The following STARD13 variants were observed in gnomAD, a reference collection of about 807,000 sequenced individuals.
The protein encoded by STARD13 is stAR-related lipid transfer protein 13.
STARD13 carries 62 observed loss-of-function variants against 106.4 expected under a neutral mutation model. That is an observed-to-expected ratio of 0.58 (90% CI 0.48 to 0.72). The LOEUF (loss-of-function observed/expected upper bound fraction) is 0.72, where lower values mean the gene tolerates loss of function less well. Among genes scored for constraint, STARD13 ranks in the 30% least tolerant of loss-of-function variants. STARD13 has a pLI of 0.00. For missense variants in STARD13, 1,387 were observed against 1,424.0 expected (o/e 0.97, Z 0.42); for synonymous variants, 565 against 553.0 (o/e 1.02, Z -0.31).
At chr13:33,123,427 G>C (rs1876671950) in intron 7 of STARD13, among the ~76,000 whole-genome samples, 1 of 152,182 alleles carries the variant, frequency 6.6e-6, no homozygotes, top group Admixed American at 6.5e-5. Flanking sequence ...TGGTTTTCTT[G>C]AGAAAGAAAG....
chr13:33,289,587 C>T (rs918896035), upstream of STARD13, among the ~76,000 whole-genome samples: 4 of 152,064 alleles, frequency 2.6e-5, no homozygotes, highest in African/African-American at 4.8e-5. Context: ...AGGAAAAACA[C>T]GGCACCGAAA....
chr13:33,343,058 A>G (rs969651719), intron 1 of STARD13, among the ~76,000 whole-genome samples: 3 of 152,132 alleles, frequency 2.0e-5, no homozygotes, highest in Middle Eastern at 3.2e-3. Context: ...TACAAAGCCG[A>G]TACTTATGCA....
At position 33,126,188 on chromosome 13, in the gene STARD13, C is replaced by T; in HGVS notation, c.1975G>A (p.Ala659Thr). Residue 659 changes from alanine (A) to threonine (T), a missense_variant, in exon 7 of 14, where the codon GCT becomes ACT. Coordinates refer to ENST00000336934, the MANE Select transcript of STARD13 (RefSeq NM_178006.4). ...RMKVPDYKDK[A>T]VFGVPLIVHV... ...ACTATGAGAGGAACGCCAAAGACAG[C>T]CTTGTCTTTGTAGTCGGGAACTTTC... The T allele has an allele frequency of 6.2e-7, 1 of 1,614,072 alleles. No individual in the cohort carries two copies. Among genetic ancestry groups the T allele is most frequent in the East Asian group, 2.2e-5 (1 of 44,886 alleles).
chr13:33,414,163 A>T, the STARD13 span, among the ~76,000 whole-genome samples: 4 of 152,222 alleles, frequency 2.6e-5, no homozygotes, highest in African/African-American at 9.6e-5. Flanking sequence ...TAAAGTTTAA[A>T]AATAGAGAAG....
intron 1 of STARD13, among the ~76,000 whole-genome samples, chr13:33,215,341 T>G (rs1162410210): frequency 2.6e-5 from 4 of 152,186 alleles, no homozygotes; most frequent in African/African-American, 9.6e-5. Flanking sequence ...AGTGCTTTAC[T>G]TCTACAAAAC....
intron 1 of STARD13, among the ~76,000 whole-genome samples, chr13:33,177,818 AAGGAAGGAAGGAAGGAAGGAAGGAAAGG>A (rs1884736326): frequency 3.5e-5 from 1 of 28,686 alleles, no homozygotes; most frequent in African/African-American, 1.9e-4. Context: ...GGAAGGAAGG[AAGGAAGGAAGGAAGGAAGGAAGGAAAGG>A]AAGGAAGGAA....
At chr13:33,614,006 T>A in the STARD13 span, among the ~76,000 whole-genome samples, 6 of 152,210 alleles carry the variant, frequency 3.9e-5, no homozygotes, top group South Asian at 4.1e-4. Context: ...TAAGTGCACA[T>A]GAACATAGTC....
intron 3 of STARD13, among the ~76,000 whole-genome samples, chr13:33,162,479 G>A (rs542678394): frequency 1.2e-4 from 18 of 152,116 alleles, no homozygotes; most frequent in African/African-American, 3.1e-4. Context: ...CTACTGCATC[G>A]TCAGGCTGCA....
rs912549496 is a variant in STARD13 at position 33,143,131 on chromosome 13, A to T, written c.324-758T>A. 3.3e-5 allele frequency among the ~76,000 whole-genome samples: 5 copies of T among 152,236 alleles called. No homozygotes were observed. The East Asian group carries it at 9.6e-4, about 29-fold the overall frequency. The stretch of plus-strand genomic sequence containing the variant: ...CTTGATCTTGAACTTTCCAGCCTCC[A>T]GAACCGTGAGAAAATAAATTTCTGT... On this transcript the variant is annotated intron_variant, in intron 3 of 13. Coordinates refer to ENST00000336934, the MANE Select transcript of STARD13 (RefSeq NM_178006.4).
chr13:33,530,114 C>T, the STARD13 span, among the ~76,000 whole-genome samples: 5 of 148,052 alleles, frequency 3.4e-5, no homozygotes, highest in South Asian at 6.4e-4. Flanking sequence ...CTTGCCTCTA[C>T]TCATGTTTTT....
chr13:33,529,701 G>A, the STARD13 span, among the ~76,000 whole-genome samples: 4 of 152,138 alleles, frequency 2.6e-5, no homozygotes, highest in Non-Finnish European at 5.9e-5. Flanking sequence ...TCTGCTTAGG[G>A]GAAAAGGAAG....
At position 33,246,221 on chromosome 13, in the gene STARD13, G is replaced by A. The variant is rs892500140; in HGVS notation, c.169+39249C>T. On this transcript the variant is annotated intron_variant, in intron 1 of 13. Coordinates refer to ENST00000336934, the MANE Select transcript of STARD13 (RefSeq NM_178006.4). Reference sequence around the variant, plus strand: ...CCCAGGGTTATAATTTAAGACATGCGCATCAAAGAGAGGTAAGGAGAAGTG... The same window carrying A: ...CCCAGGGTTATAATTTAAGACATGCACATCAAAGAGAGGTAAGGAGAAGTG... Among the ~76,000 whole-genome samples the A allele has an allele frequency of 5.3e-5, 8 of 152,248 alleles. No homozygotes were observed. The East Asian group carries it at 1.4e-3, about 26-fold the overall frequency.
the STARD13 span, among the ~76,000 whole-genome samples, chr13:33,610,455 A>G: frequency 6.6e-6 from 1 of 152,274 alleles, no homozygotes; most frequent in East Asian, 1.9e-4. Flanking sequence ...GAGAAGAATC[A>G]TGGACTCCCT....
At chr13:33,301,568 C>CTTTTTTTTTTTTT (rs11393186) in intron 1 of STARD13, among the ~76,000 whole-genome samples, 5 of 72,068 alleles carry the variant, frequency 6.9e-5, no homozygotes, top group Non-Finnish European at 1.2e-4. Context: ...CTTTTTTTTT[C>CTTTTTTTTTTTTT]TTTTTTTTTT....
intron 1 of STARD13, among the ~76,000 whole-genome samples, chr13:33,297,644 A>C (rs1444351115): frequency 6.6e-6 from 1 of 152,144 alleles, no homozygotes; most frequent in East Asian, 1.9e-4. Context: ...TTTAGAAGAA[A>C]CTGCACCAAA....
At chr13:33,429,148 T>C in the STARD13 span, among the ~76,000 whole-genome samples, 2 of 152,338 alleles carry the variant, frequency 1.3e-5, no homozygotes, top group East Asian at 1.9e-4. Flanking sequence ...TGAGCTACCA[T>C]ATGATCCAGC....
chr13:33,509,571 A>G, the STARD13 span, among the ~76,000 whole-genome samples: 2 of 152,192 alleles, frequency 1.3e-5, no homozygotes, highest in African/African-American at 2.4e-5. Flanking sequence ...GTGAGGCCCA[A>G]ATGGCTAGGG....
the STARD13 span, among the ~76,000 whole-genome samples, chr13:33,493,417 T>C: frequency 1.3e-5 from 2 of 152,192 alleles, no homozygotes; most frequent in African/African-American, 4.8e-5. Context: ...TGCAACACAG[T>C]GAACACTAAT....
At chr13:33,542,850 G>C in the STARD13 span, among the ~76,000 whole-genome samples, 1 of 152,174 alleles carries the variant, frequency 6.6e-6, no homozygotes, top group South Asian at 2.1e-4. Context: ...CGAGTCTCCC[G>C]CCACCCGCGG....
Sources: allele counts gnomAD v4.1 joint callset (sites outside exome capture counted in the v4.1 genomes callset), GRCh38; gene constraint gnomAD v4.1.1; transcripts MANE v1.5; gene names NCBI Gene and HGNC (gene_info 2026-07-23, HGNC 2026-07-21).